The following SMG1 variants were observed in gnomAD, a reference collection of about 807,000 sequenced individuals.
The protein encoded by SMG1 is serine/threonine-protein kinase SMG1.
Under a neutral mutation model 419.9 loss-of-function variants are expected in SMG1, and 22 were observed. The ratio of observed to expected loss-of-function variants is 0.05; its 90% CI spans 0.04 to 0.07. The LOEUF (loss-of-function observed/expected upper bound fraction) is 0.07. SMG1 is among the 10% of genes least tolerant of loss of function. The pLI is 1.00. For synonymous variants in SMG1, 1,538 were observed against 1,553.5 expected, an observed-to-expected ratio of 0.99 and a Z score of 0.23; for missense variants, 3,185 against 4,342.0, an observed-to-expected ratio of 0.73 and a Z score of 7.49.
intron 56 of SMG1, among the ~76,000 whole-genome samples, chr16:18,818,686 C>T (rs1166856934): frequency 6.6e-6 from 1 of 152,100 alleles, no homozygotes; most frequent in Non-Finnish European, 1.5e-5. Context: ...CATTATTAAG[C>T]ACTGGCGACA....
chr16:18,875,973 A>G, intron 13 of SMG1, 151 bp downstream of exon 13: 1 of 781,654 alleles, frequency 1.3e-6, no homozygotes, highest in Non-Finnish European at 2.1e-6. Flanking sequence ...CATTCCTACC[A>G]ATTTTATTTA....
intron 46 of SMG1, among the ~76,000 whole-genome samples, chr16:18,836,833 T>G (rs1180120881): frequency 1.3e-5 from 2 of 152,242 alleles, no homozygotes; most frequent in Non-Finnish European, 2.9e-5. Context: ...GACACTTTCA[T>G]ATTCAACTAC....
rs1284585888 is a variant in SMG1, at chr16:18,838,272, G to A, written c.7195-40C>T. 4 of 1,609,468 alleles carry A rather than the reference G, an allele frequency of 2.5e-6. No homozygotes were observed. The East Asian group carries it at 6.7e-5, about 27-fold the overall frequency. Reference sequence around the variant, plus strand: ...GTTTTTAAAATAAGGTCTGCCACAAGTTTCATCACTAAAGTGTGGTTTTCA... The same window carrying A: ...GTTTTTAAAATAAGGTCTGCCACAAATTTCATCACTAAAGTGTGGTTTTCA... On this transcript the variant is annotated intron_variant, in intron 44 of 62. Coordinates refer to ENST00000446231, the MANE Select transcript of SMG1 (RefSeq NM_015092.5).
chr16:18,834,825 A>C, intron 49 of SMG1, 67 bp downstream of exon 49: 1 of 1,515,942 alleles, frequency 6.6e-7, no homozygotes, highest in Non-Finnish European at 9.0e-7. Context: ...AAAGTAAAAG[A>C]ACATTTTAGG....
chr16:18,910,010 AAAACAATGTTTCTAG>A (rs961161447), intron 1 of SMG1, among the ~76,000 whole-genome samples: 2 of 152,126 alleles, frequency 1.3e-5, no homozygotes, highest in African/African-American at 4.8e-5. Context: ...CAAGAAAAAA[AAAACAATGTTTCTAG>A]ATATTAAGTT....
intron 29 of SMG1, chr16:18,856,975 T>C (rs1387086785): frequency 6.6e-6 from 1 of 152,078 alleles, no homozygotes. Context: ...CATCTCTTCA[T>C]CTCATATAAT....
At chr16:18,865,062 G>A (rs1269504410) in intron 23 of SMG1, among the ~76,000 whole-genome samples, 2 of 152,208 alleles carry the variant, frequency 1.3e-5, no homozygotes, top group Non-Finnish European at 2.9e-5. Flanking sequence ...AACAGATCTA[G>A]ATGCATAATG....
rs566320589 is a variant in SMG1, at chr16:18,832,835, C to G, written c.8792+105G>C. On this transcript the variant is annotated intron_variant, in intron 51 of 62. Coordinates refer to ENST00000446231, the MANE Select transcript of SMG1 (RefSeq NM_015092.5). ...TATGAGCATTTATAAGTAATTATAC[C>G]TGCTCTAAAAACTAAAAGTAAACTT... is the stretch of plus-strand genomic sequence containing the variant. 17 of 944,764 alleles carry G rather than the reference C, an allele frequency of 1.8e-5. 1 individual carries two copies. Among genetic ancestry groups the G allele is most frequent in the Non-Finnish European group, 2.8e-5 (17 of 600,982 alleles). The allele number at this position is 944,764 out of a possible 1,614,324, so 58.5% of individuals were successfully genotyped here.
At chr16:18,881,071 T>C (rs2036372022) in intron 10 of SMG1, among the ~76,000 whole-genome samples, 2 of 151,210 alleles carry the variant, frequency 1.3e-5, no homozygotes, top group Non-Finnish European at 2.9e-5. Context: ...TGAGCTATGA[T>C]TGCTCTACTA....
chr16:18,848,201 G>C (rs2034377575), intron 36 of SMG1, among the ~76,000 whole-genome samples, 168 bp from the exon 37 acceptor site: 1 of 152,170 alleles, frequency 6.6e-6, no homozygotes, highest in Admixed American at 6.5e-5. Context: ...CCTTTTTATA[G>C]GTTGAGCTTT....
At chr16:18,813,412 G>A (rs1429931091) in intron 60 of SMG1, among the ~76,000 whole-genome samples, 1 of 152,284 alleles carries the variant, frequency 6.6e-6, no homozygotes, top group African/African-American at 2.4e-5. Context: ...GCATTTCTCT[G>A]ATGGCCAGTG....
At chr16:18,818,873 G>T (rs558091120) in intron 56 of SMG1, among the ~76,000 whole-genome samples, 1 of 141,238 alleles carries the variant, frequency 7.1e-6, no homozygotes, top group African/African-American at 2.6e-5. Context: ...CTGGAATTCA[G>T]TGGCACGATC....
At position 18,897,899 on chromosome 16, in the gene SMG1, G is replaced by GA. The variant is rs1268240019; in HGVS notation, c.93-944dup. 6.6e-3 allele frequency among the ~76,000 whole-genome samples: 750 copies of GA among 114,356 alleles called. 4 individuals carry two copies. Among genetic ancestry groups the GA allele is most frequent in the African/African-American group, 0.013 (417 of 31,272 alleles). The allele number at this position is 114,356 out of a possible 152,430, so 75.0% of individuals were successfully genotyped here. On this transcript the variant is annotated intron_variant, in intron 1 of 62. Transcript: ENST00000446231. ...TTTCTCCTGAGAGGAACAACTTTGA[G>GA]AAAAAAAAAAAAAAGAAAATCACTT... is the stretch of plus-strand genomic sequence containing the variant.
rs2031955771 is a variant in SMG1 at position 18,815,888 on chromosome 16, G to A, written c.10303-237C>T. The A allele has an allele frequency of 9.8e-6, 5 of 509,232 alleles. No homozygotes were observed. In the South Asian group the frequency reaches 1.3e-4, roughly 13 times the overall value. 31.5% of individuals were successfully genotyped at this position (509,232 alleles called of 1,614,324 possible). On this transcript the variant is annotated intron_variant, in intron 58 of 62. Transcript: ENST00000446231. ...TAATGATGAAGTAATAGCCTTTTCT[G>A]GAGGCTTAGTTTTCTTACTTACTAG...
intron 10 of SMG1, among the ~76,000 whole-genome samples, chr16:18,881,207 T>C (rs533801767): frequency 1.3e-5 from 2 of 151,994 alleles, no homozygotes; most frequent in Admixed American, 6.5e-5. Context: ...TAAATCAATA[T>C]ACACCTATCC....
rs144760908 is a variant in SMG1, at chr16:18,854,558, A to G, written c.4483+98T>C. On this transcript the variant is annotated intron_variant, in intron 30 of 62. Coordinates refer to ENST00000446231, the MANE Select transcript of SMG1 (RefSeq NM_015092.5). ...TGTTCTGCAACAGCTGGAAATGATCAACTTTGCTATTACTACCTTATACCA... is the reference window on the plus strand; with the variant it reads ...TGTTCTGCAACAGCTGGAAATGATCGACTTTGCTATTACTACCTTATACCA... The G allele has an allele frequency of 2.4e-3, 2,786 of 1,143,598 alleles. 4 individuals are homozygous for G. Among genetic ancestry groups the G allele is most frequent in the Non-Finnish European group, 3.1e-3 (2,554 of 820,652 alleles). 70.8% of individuals were successfully genotyped at this position (1,143,598 alleles called of 1,614,324 possible).
intron 1 of SMG1, among the ~76,000 whole-genome samples, chr16:18,899,791 A>C (rs1305352253): frequency 6.6e-6 from 1 of 152,192 alleles, no homozygotes; most frequent in Non-Finnish European, 1.5e-5. Context: ...GTCTCAATTT[A>C]GTGAAAAAAG....
At chr16:18,872,706 G>T in intron 13 of SMG1, 82 bp from the exon 14 acceptor site, 4 of 1,181,854 alleles carry the variant, frequency 3.4e-6, no homozygotes, top group Non-Finnish European at 3.5e-6. Context: ...CAAAATAGGG[G>T]TATCTGGACA....
chr16:18,834,438 C>T lies in SMG1; in HGVS notation c.8331G>A (p.Arg2777=), dbSNP rs1471857073. The T allele has an allele frequency of 6.2e-7, 1 of 1,612,284 alleles. No individual in the cohort carries two copies. Among genetic ancestry groups the T allele is most frequent in the Non-Finnish European group, 8.5e-7 (1 of 1,179,120 alleles). Residue 2777 remains arginine, a splice_region_variant and synonymous_variant, in exon 50 of 63, where the codon AGG becomes AGA. Coordinates refer to ENST00000446231, the MANE Select transcript of SMG1 (RefSeq NM_015092.5). ...CTGCACCTTCCATCATCAGGTTACG[C>T]CTACAAGAGATAAATATCTGTACAG... ...VIISALCTLT[R]RNLMMEGAAS... is the part of the protein sequence containing the mutation.
Sources: allele counts gnomAD v4.1 joint callset (sites outside exome capture counted in the v4.1 genomes callset), GRCh38; gene constraint gnomAD v4.1.1; transcripts MANE v1.5; gene names NCBI Gene and HGNC (gene_info 2026-07-23, HGNC 2026-07-21).